The following MAF variants were observed in gnomAD, a reference collection of about 807,000 sequenced individuals.
MAF encodes MAF bZIP transcription factor.
MAF carries 10 observed loss-of-function variants against 22.0 expected under a neutral mutation model. The ratio of observed to expected loss-of-function variants is 0.45; its 90% CI spans 0.28 to 0.77. The LOEUF (loss-of-function observed/expected upper bound fraction) is 0.77, where lower values mean the gene tolerates loss of function less well. Ranked by LOEUF, MAF falls within the 30% of genes least tolerant of loss-of-function variation. MAF has a pLI of 0.12. For synonymous variants in MAF, 337 were observed against 255.8 expected, an observed-to-expected ratio of 1.32 and a Z score of -3.03; for missense variants, 544 against 548.4, an observed-to-expected ratio of 0.99 and a Z score of 0.08.
the MAF span, chr16:79,204,466 C>T: frequency 6.6e-6 from 1 of 152,114 alleles, no homozygotes; most frequent in African/African-American, 2.4e-5. Flanking sequence ...ACAATAATAG[C>T]AGGTCTCAGA....
chr16:79,401,140 C>T, the MAF span, among the ~76,000 whole-genome samples: 5 of 152,188 alleles, frequency 3.3e-5, no homozygotes, highest in East Asian at 3.9e-4. Flanking sequence ...CAGGGCGTGG[C>T]GCTGGGTCCT....
the MAF span, among the ~76,000 whole-genome samples, chr16:79,553,900 C>A: frequency 7.3e-3 from 1,118 of 152,122 alleles, 16 homozygotes; most frequent in African/African-American, 0.026. Flanking sequence ...ACCAGCCTGG[C>A]AAATATGGTG....
the MAF span, among the ~76,000 whole-genome samples, chr16:79,335,030 C>G: frequency 1.3e-5 from 2 of 151,422 alleles, no homozygotes; most frequent in South Asian, 2.1e-4. Flanking sequence ...ACTAAAAATA[C>G]AAAAATTTGC....
At chr16:79,463,487 G>C in the MAF span, among the ~76,000 whole-genome samples, 1 of 152,132 alleles carries the variant, frequency 6.6e-6, no homozygotes, top group Non-Finnish European at 1.5e-5. Flanking sequence ...GCAAACCTGT[G>C]CTATAGATGA....
chr16:79,277,730 T>C, the MAF span, among the ~76,000 whole-genome samples: 1 of 152,240 alleles, frequency 6.6e-6, no homozygotes, highest in Non-Finnish European at 1.5e-5. Context: ...TGAGCTTCTA[T>C]GTGTCTGTTT....
the MAF span, among the ~76,000 whole-genome samples, chr16:79,419,333 A>G: frequency 6.6e-6 from 1 of 152,176 alleles, no homozygotes; most frequent in Non-Finnish European, 1.5e-5. Flanking sequence ...GTGTCACAAT[A>G]TTTCACCTTT....
the MAF span, among the ~76,000 whole-genome samples, chr16:79,262,738 C>T: frequency 2.6e-5 from 4 of 152,168 alleles, no homozygotes; most frequent in Admixed American, 6.5e-5. Flanking sequence ...TCAATGCTTG[C>T]ACCATCCAGA....
the MAF span, among the ~76,000 whole-genome samples, chr16:79,295,604 A>C: frequency 6.6e-6 from 1 of 152,234 alleles, no homozygotes. Context: ...TAAATTATGT[A>C]ATGAGGCAGC....
the MAF span, among the ~76,000 whole-genome samples, chr16:79,320,420 A>G: frequency 6.6e-6 from 1 of 152,268 alleles, no homozygotes; most frequent in Admixed American, 6.5e-5. Flanking sequence ...CTGCTTCATG[A>G]GGCAGAGTGG....
the MAF span, among the ~76,000 whole-genome samples, chr16:79,442,485 C>T: frequency 2.6e-5 from 4 of 152,272 alleles, no homozygotes; most frequent in East Asian, 1.9e-4. Flanking sequence ...GATCCTCCCA[C>T]GTTGGCACCC....
At chr16:79,411,789 C>A in the MAF span, among the ~76,000 whole-genome samples, 3 of 152,214 alleles carry the variant, frequency 2.0e-5, no homozygotes, top group Admixed American at 1.3e-4. Flanking sequence ...CCTTTACCCA[C>A]AGAGCTATTC....
chr16:79,517,253 T>A, the MAF span, among the ~76,000 whole-genome samples: 127,352 of 152,110 alleles, frequency 0.84, 53,585 homozygotes, highest in East Asian at 0.92. Context: ...CATTCCCACC[T>A]GGCTTCAGCC....
At chr16:79,506,058 C>T in the MAF span, among the ~76,000 whole-genome samples, 2 of 151,986 alleles carry the variant, frequency 1.3e-5, no homozygotes, top group African/African-American at 2.4e-5. Context: ...CATTTTTTCC[C>T]AGGCTATAAG....
the MAF span, among the ~76,000 whole-genome samples, chr16:79,513,779 C>T: frequency 1.3e-5 from 2 of 152,148 alleles, no homozygotes; most frequent in Admixed American, 1.3e-4. Flanking sequence ...GTGTAGGACA[C>T]GTTCCATATA....
chr16:79,578,399 A>G, the MAF span, among the ~76,000 whole-genome samples: 2 of 152,158 alleles, frequency 1.3e-5, no homozygotes, highest in African/African-American at 4.8e-5. Context: ...GTGCATGCCG[A>G]TATTTATATT....
chr16:79,250,643 C>T, the MAF span, among the ~76,000 whole-genome samples: 17 of 152,260 alleles, frequency 1.1e-4, no homozygotes, highest in African/African-American at 2.4e-5. Flanking sequence ...TGGTGATGAG[C>T]ACCAGGTCTG....
At chr16:79,467,402 G>A in the MAF span, among the ~76,000 whole-genome samples, 1 of 152,214 alleles carries the variant, frequency 6.6e-6, no homozygotes, top group African/African-American at 2.4e-5. Flanking sequence ...AGTGCTTATT[G>A]TATATCAGGT....
At chr16:79,592,012 T>A (rs1216031058), downstream of MAF, among the ~76,000 whole-genome samples, 1 of 152,236 alleles carries the variant, frequency 6.6e-6, no homozygotes, top group Non-Finnish European at 1.5e-5. Flanking sequence ...CTGGCATACA[T>A]GCACACTAGG....
the MAF span, among the ~76,000 whole-genome samples, chr16:79,575,146 G>C: frequency 6.6e-6 from 1 of 151,874 alleles, no homozygotes; most frequent in Non-Finnish European, 1.5e-5. Flanking sequence ...TAGATTCAGA[G>C]ACCCGTTTAT....
Sources: allele counts gnomAD v4.1 joint callset (sites outside exome capture counted in the v4.1 genomes callset), GRCh38; gene constraint gnomAD v4.1.1; transcripts MANE v1.5; gene names NCBI Gene and HGNC (gene_info 2026-07-23, HGNC 2026-07-21).